Variants in GRIA4 observed in about 807,000 individuals in gnomAD.
The protein encoded by GRIA4 is glutamate receptor 4.
Under a neutral mutation model 104.0 loss-of-function variants are expected in GRIA4, and 34 were observed. The observed-to-expected ratio is 0.33, with a 90% CI of 0.25 to 0.44. GRIA4 has a LOEUF of 0.44. GRIA4 is among the 20% of genes least tolerant of loss of function. The probability of loss-of-function intolerance (pLI) is 1.00; values close to 1 mark genes in which losing one functional copy is unlikely to be tolerated. For missense variants in GRIA4, 750 were observed against 1,096.5 expected, an observed-to-expected ratio of 0.68 and a Z score of 4.46; for synonymous variants, 386 against 381.9, an observed-to-expected ratio of 1.01 and a Z score of -0.13.
At chr11:105,717,196 A>G (rs1235233708) in intron 3 of GRIA4, among the ~76,000 whole-genome samples, 1 of 152,136 alleles carries the variant, frequency 6.6e-6, no homozygotes, top group Non-Finnish European at 1.5e-5. Flanking sequence ...TCCCAGTCCA[A>G]GCATGTCCAG....
intron 5 of GRIA4, among the ~76,000 whole-genome samples, chr11:105,878,654 C>G (rs1945928498): frequency 6.6e-6 from 1 of 152,170 alleles, no homozygotes; most frequent in Non-Finnish European, 1.5e-5. Context: ...GCTACAGTGG[C>G]TTTGCTGGGC....
intron 12 of GRIA4, among the ~76,000 whole-genome samples, chr11:105,925,686 A>C (rs1315125935): frequency 1.3e-5 from 2 of 152,132 alleles, no homozygotes; most frequent in Non-Finnish European, 2.9e-5. Context: ...TTAATGAACT[A>C]AAAAGAAATC....
intron 3 of GRIA4, among the ~76,000 whole-genome samples, chr11:105,630,711 T>A (rs189044629): frequency 0.034 from 5,158 of 152,126 alleles, 154 homozygotes; most frequent in African/African-American, 0.076. Flanking sequence ...ATAATTTTTT[T>A]TAAAAAAATT....
chr11:105,685,455 T>C (rs753270583), intron 3 of GRIA4, among the ~76,000 whole-genome samples: 1 of 152,224 alleles, frequency 6.6e-6, no homozygotes, highest in South Asian at 2.1e-4. Flanking sequence ...TGTTAGATTA[T>C]GTGGAATTTC....
At chr11:105,922,155 C>T (rs1413212333) in intron 11 of GRIA4, among the ~76,000 whole-genome samples, 1 of 151,990 alleles carries the variant, frequency 6.6e-6, no homozygotes, top group Non-Finnish European at 1.5e-5. Flanking sequence ...AAAATGAATA[C>T]TCAATATGGA....
chr11:105,784,566 G>A (rs537195552), intron 4 of GRIA4, among the ~76,000 whole-genome samples: 3 of 152,298 alleles, frequency 2.0e-5, no homozygotes, highest in South Asian at 2.1e-4. Flanking sequence ...TATGTGCTGC[G>A]TGAATGAGAG....
intron 3 of GRIA4, among the ~76,000 whole-genome samples, chr11:105,629,078 CAAAA>C (rs33935142): frequency 1.5e-5 from 2 of 132,094 alleles, no homozygotes; most frequent in African/African-American, 2.8e-5. Context: ...ACTTCTCCAC[CAAAA>C]AAAAAAAAAA....
chr11:105,955,064 T>C (rs1264180604), intron 14 of GRIA4, among the ~76,000 whole-genome samples: 1 of 151,926 alleles, frequency 6.6e-6, no homozygotes, highest in East Asian at 1.9e-4. Flanking sequence ...AATTATTTAA[T>C]TAAGGGTGAG....
intron 5 of GRIA4, among the ~76,000 whole-genome samples, chr11:105,884,131 G>C (rs1175053558): frequency 6.6e-6 from 1 of 152,172 alleles, no homozygotes; most frequent in Non-Finnish European, 1.5e-5. Flanking sequence ...CTTTAGGAAA[G>C]GCCATAATTA....
chr11:105,770,087 T>C (rs1015147178), intron 4 of GRIA4, among the ~76,000 whole-genome samples: 4 of 152,112 alleles, frequency 2.6e-5, no homozygotes, highest in African/African-American at 9.7e-5. Context: ...TTGGTGTGTT[T>C]AAGTGATACA....
chr11:105,652,480 G>A (rs1342326776), intron 3 of GRIA4, among the ~76,000 whole-genome samples: 3 of 152,082 alleles, frequency 2.0e-5, no homozygotes, highest in African/African-American at 4.8e-5. Flanking sequence ...TTTTTTTAAC[G>A]GAGTTTCTTT....
intron 13 of GRIA4, among the ~76,000 whole-genome samples, chr11:105,930,302 C>CA (rs1555051014): frequency 6.6e-6 from 1 of 152,080 alleles, no homozygotes; most frequent in Non-Finnish European, 1.5e-5. Flanking sequence ...TTATCAGAAT[C>CA]AGATTTTCTA....
intron 4 of GRIA4, among the ~76,000 whole-genome samples, chr11:105,770,577 C>T (rs1410037346): frequency 6.6e-6 from 1 of 151,862 alleles, no homozygotes; most frequent in African/African-American, 2.4e-5. Context: ...CCAAATCATC[C>T]AATTTCCTCC....
intron 3 of GRIA4, among the ~76,000 whole-genome samples, chr11:105,648,743 C>A (rs1951604059): frequency 6.6e-6 from 1 of 152,142 alleles, no homozygotes; most frequent in Non-Finnish European, 1.5e-5. Flanking sequence ...TTGGCCTATG[C>A]CTGATAACTC....
intron 4 of GRIA4, among the ~76,000 whole-genome samples, chr11:105,783,159 C>T (rs537122280): frequency 2.6e-5 from 4 of 152,152 alleles, no homozygotes; most frequent in South Asian, 2.1e-4. Flanking sequence ...AAATAATTCA[C>T]GGAGAAATGT....
intron 3 of GRIA4, among the ~76,000 whole-genome samples, chr11:105,719,959 A>G (rs1937677471): frequency 6.6e-6 from 1 of 152,032 alleles, no homozygotes; most frequent in Admixed American, 6.6e-5. Context: ...AGCCTATTTC[A>G]TCATAAGATC....
chr11:105,763,714 T>A (rs888401685), intron 4 of GRIA4, among the ~76,000 whole-genome samples: 3 of 152,168 alleles, frequency 2.0e-5, no homozygotes, highest in African/African-American at 7.2e-5. Flanking sequence ...CAGCTTAAAC[T>A]CCTATCTGTA....
chr11:105,882,971 C>G (rs910065536), intron 5 of GRIA4, among the ~76,000 whole-genome samples: 20 of 152,118 alleles, frequency 1.3e-4, no homozygotes, highest in African/African-American at 4.8e-4. Flanking sequence ...AATGTTTGTA[C>G]CTGGCATTCA....
At chr11:105,736,744 T>C (rs1938975037) in intron 3 of GRIA4, among the ~76,000 whole-genome samples, 1 of 152,136 alleles carries the variant, frequency 6.6e-6, no homozygotes, top group Admixed American at 6.6e-5. Flanking sequence ...GTCTGACCTT[T>C]TGGTTTTAAG....
Sources: gnomAD v4.1 joint callset for allele counts (sites outside exome capture counted in the v4.1 genomes callset) on GRCh38, gnomAD v4.1.1 for gene constraint, MANE v1.5 for transcripts, NCBI Gene and HGNC (gene_info 2026-07-23, HGNC 2026-07-21) for gene names.